The following MICAL3 variants were observed in gnomAD, a reference collection of about 807,000 sequenced individuals.
The protein encoded by MICAL3 is microtubule associated monooxygenase, calponin and LIM domain containing 3.
A neutral mutation model predicts 207.4 loss-of-function variants in MICAL3; 62 were observed. The observed-to-expected ratio is 0.30, with a 90% CI of 0.24 to 0.37. The LOEUF (loss-of-function observed/expected upper bound fraction) is 0.37, where lower values mean the gene tolerates loss of function less well. MICAL3 is among the 10% of genes least tolerant of loss of function. The pLI, the probability that MICAL3 is intolerant of heterozygous loss-of-function variation, is 1.00. For missense variants in MICAL3, 2,368 were observed against 2,635.6 expected (o/e 0.90, Z 2.22); for synonymous variants, 1,077 against 1,069.3 (o/e 1.01, Z -0.14).
At chr22:17,829,809 G>A (rs1922601997) in intron 21 of MICAL3, among the ~76,000 whole-genome samples, 1 of 152,158 alleles carries the variant, frequency 6.6e-6, no homozygotes, top group Admixed American at 6.5e-5. Flanking sequence ...CGGCATAGAT[G>A]GGGCCGCATT....
At chr22:17,872,796 T>G in intron 16 of MICAL3, 1 of 1,613,938 alleles carries the variant, frequency 6.2e-7, no homozygotes, top group East Asian at 2.2e-5. Flanking sequence ...CCTTTGAAGC[T>G]GATTGGCTAT....
intron 1 of MICAL3, chr22:18,006,071 T>C (rs1923366364): frequency 6.6e-6 from 1 of 152,198 alleles, no homozygotes; most frequent in Non-Finnish European, 1.5e-5. Flanking sequence ...CCCATAGCTC[T>C]CTCTTTTCTC....
At position 17,900,895 on chromosome 22, in the gene MICAL3, C is replaced by A; in HGVS notation, c.794G>T (p.Gly265Val). The A allele has an allele frequency of 6.2e-7, 1 of 1,614,044 alleles. No individual in the cohort carries two copies. Among genetic ancestry groups the A allele is most frequent in the Non-Finnish European group, 8.5e-7 (1 of 1,179,878 alleles). ...TAEAKVEEIS[G>V]VAFIFNQKFF... Reference sequence around the variant, plus strand: ...TTTTTGGTTGAATATAAAAGCCACACCACTGATCTCTTCCACTTTAGCTTC... The same window carrying A: ...TTTTTGGTTGAATATAAAAGCCACAACACTGATCTCTTCCACTTTAGCTTC... Residue 265 changes from glycine (G) to valine (V), a missense_variant, in exon 6 of 32, where the codon GGT becomes GTT. Gly to Val is a moderately radical substitution (Grantham distance 109). This residue lies in a region of MICAL3 where 400 missense variants were observed against 547.0 expected (regional missense o/e 0.73). Transcript: ENST00000441493. The surrounding 1 kb of genome is among the most constrained non-coding windows in gnomAD (Gnocchi z 4.0).
rs531445665 is a variant in MICAL3 at position 17,914,254 on chromosome 22, G to A, written c.-74-7368C>T. 1.6e-4 allele frequency among the ~76,000 whole-genome samples: 23 copies of A among 143,896 alleles called. 1 individual carries two copies. The highest frequency in any genetic ancestry group is 5.4e-4 in the African/African-American group (22 of 40,946). 94.4% of individuals were successfully genotyped at this position (143,896 alleles called of 152,430 possible). A position where few individuals can be genotyped will look rare whatever the true frequency, so the allele number is the denominator to read the frequency against. ...CTCCACTCCATCTGTTCTAGAAAGCGTGAGAATGGCATTGGGTGGAGGGGG... is the reference window on the plus strand; with the variant it reads ...CTCCACTCCATCTGTTCTAGAAAGCATGAGAATGGCATTGGGTGGAGGGGG... On this transcript the variant is annotated intron_variant, in intron 1 of 31. Coordinates refer to ENST00000441493, the MANE Select transcript of MICAL3 (RefSeq NM_015241.3).
intron 21 of MICAL3, 101 bp from the exon 22 acceptor site, chr22:17,827,882 G>C (rs1458723701): frequency 7.9e-7 from 1 of 1,265,854 alleles, no homozygotes; most frequent in South Asian, 1.5e-5. Flanking sequence ...CATTGGCCAG[G>C]GTCAGTATGA....
At chr22:18,002,731 G>A (rs1923121761) in intron 1 of MICAL3, among the ~76,000 whole-genome samples, 1 of 152,178 alleles carries the variant, frequency 6.6e-6, no homozygotes, top group Non-Finnish European at 1.5e-5. Flanking sequence ...TCATCATCTG[G>A]TCCAATGAGG....
In MICAL3 at chr22:17,871,927, C is replaced by T. The variant is rs1927764085; in HGVS notation, c.2338G>A (p.Glu780Lys). The change falls in exon 17 of 32, where the codon GAG becomes AAG. Residue 780 changes from glutamate to lysine, a missense_variant. Glu to Lys is a moderately conservative substitution (Grantham distance 56). This residue lies in a region of MICAL3 where 1,770 missense variants were observed against 1,863.2 expected (regional missense o/e 0.95). Transcript: ENST00000441493. ...CAGCTCCGGTGGAAGAACTTGCCCT[C>T]GGCACTCAGCCTCTCCATCACGTAG... ...RVYVMERLSA[E>K]GKFFHRSCFK... is the part of the protein sequence containing the mutation. 5.6e-6 allele frequency: 9 copies of T among 1,610,800 alleles called. No individual in the cohort carries two copies. Among genetic ancestry groups the T allele is most frequent in the South Asian group, 4.4e-5 (4 of 90,168 alleles).
At chr22:17,899,004 C>T (rs1234043185) in intron 7 of MICAL3, among the ~76,000 whole-genome samples, 1 of 152,176 alleles carries the variant, frequency 6.6e-6, no homozygotes, top group Non-Finnish European at 1.5e-5. Flanking sequence ...TGTTGCTCCC[C>T]CTCCCAAAAG....
At chr22:17,806,879 G>T (rs527692600) in intron 29 of MICAL3, among the ~76,000 whole-genome samples, 26 of 152,336 alleles carry the variant, frequency 1.7e-4, no homozygotes, top group Non-Finnish European at 1.5e-5. Flanking sequence ...ATCTTCAGTG[G>T]TATATTATTT....
intron 1 of MICAL3, among the ~76,000 whole-genome samples, chr22:17,950,337 G>GTTTTTTTTTTTTT (rs764642603): frequency 3.2e-4 from 29 of 89,310 alleles, no homozygotes; most frequent in South Asian, 5.1e-4. Flanking sequence ...TTTTGTTTTT[G>GTTTTTTTTTTTTT]TTTTTTTTTT....
chr22:17,987,329 C>T (rs995286430), intron 1 of MICAL3, among the ~76,000 whole-genome samples: 2 of 152,258 alleles, frequency 1.3e-5, no homozygotes, highest in African/African-American at 4.8e-5. Flanking sequence ...GTGTTTGGAA[C>T]TGTAACTGAG....
chr22:17,963,263 T>A (rs958276955), intron 1 of MICAL3, among the ~76,000 whole-genome samples: 4 of 152,104 alleles, frequency 2.6e-5, no homozygotes, highest in African/African-American at 9.6e-5. Context: ...CAGGCATGTG[T>A]CATCACGCCT....
intron 16 of MICAL3, among the ~76,000 whole-genome samples, chr22:17,877,547 GAGGGAGGTTATGGAGGTTAGGGAGGTT>G (rs1928944739): frequency 1.7e-5 from 1 of 60,200 alleles, no homozygotes; most frequent in African/African-American, 5.7e-5. Flanking sequence ...TTATGGAGGT[GAGGGAGGTTATGGAGGTTAGGGAGGTT>G]AGGGAAGTTA....
At chr22:18,007,806 A>T (rs1283046365) in intron 1 of MICAL3, among the ~76,000 whole-genome samples, 16 of 150,270 alleles carry the variant, frequency 1.1e-4, no homozygotes, top group Non-Finnish European at 1.6e-4. Flanking sequence ...GCCTGTAGTC[A>T]CAGCTACTCG....
intron 1 of MICAL3, among the ~76,000 whole-genome samples, chr22:17,979,408 G>T (rs1237449746): frequency 6.6e-6 from 1 of 151,952 alleles, no homozygotes; most frequent in Non-Finnish European, 1.5e-5. Context: ...AGCTGGGAGT[G>T]GTGCTGGGCG....
At chr22:17,959,296 TGA>T in intron 1 of MICAL3, among the ~76,000 whole-genome samples, 1 of 151,494 alleles carries the variant, frequency 6.6e-6, no homozygotes, top group African/African-American at 2.4e-5. Context: ...ATTACAGGTG[TGA>T]GCCACCGTGC....
In MICAL3 at chr22:17,900,388, C is replaced by A. The variant is rs1315750582; in HGVS notation, c.847+454G>T. Among the ~76,000 whole-genome samples the A allele has an allele frequency of 6.6e-6, 1 of 152,166 alleles. No individual in the cohort carries two copies. The highest frequency in any genetic ancestry group is 1.5e-5 in the Non-Finnish European group (1 of 68,026). On this transcript the variant is annotated intron_variant, in intron 6 of 31. Coordinates refer to ENST00000441493, the MANE Select transcript of MICAL3 (RefSeq NM_015241.3). This position sits in a 1 kb window ranked among gnomAD's most constrained non-coding sequence, Gnocchi z 4.0. ...CTTTGGGAGGCTGAGGCAGGTGGAG[C>A]CCAGGAGTTTGGGAGCAGCCCGGGC... is the stretch of plus-strand genomic sequence containing the variant.
Position 17,818,145 on chromosome 22 carries a change from TGGGGGGCTGAGCAGGCTCCCG to T in MICAL3, c.4495_4515del (p.Pro1501_Glu1507del). ...ACAAACGACTTCCGCACCTCCTCTC[TGGGGGGCTGAGCAGGCTCCCG>T]GGGGGGCCGCATCCAGGTGGCGGGC... On this transcript the variant is annotated inframe_deletion, in exon 26 of 32. Coordinates refer to ENST00000441493, the MANE Select transcript of MICAL3 (RefSeq NM_015241.3). 2 of 1,606,474 alleles carry T rather than the reference TGGGGGGCTGAGCAGGCTCCCG, an allele frequency of 1.2e-6. No individual in the cohort carries two copies. The highest frequency in any genetic ancestry group is 1.7e-6 in the Non-Finnish European group (2 of 1,177,326).
At chr22:17,874,012 T>A (rs1323348644) in intron 16 of MICAL3, among the ~76,000 whole-genome samples, 4 of 152,192 alleles carry the variant, frequency 2.6e-5, no homozygotes. Context: ...GGACATGGCC[T>A]GAATGGACAG....
Sources: allele counts gnomAD v4.1 joint callset (sites outside exome capture counted in the v4.1 genomes callset), GRCh38; gene constraint gnomAD v4.1.1; regional missense constraint gnomAD v4.1.1; non-coding constraint Gnocchi (gnomAD v3.1); transcripts MANE v1.5; gene names NCBI Gene and HGNC (gene_info 2026-07-23, HGNC 2026-07-21).